Variants in JAKMIP2 observed in about 807,000 individuals in gnomAD.
The protein encoded by JAKMIP2 is janus kinase and microtubule-interacting protein 2.
In JAKMIP2, 25 loss-of-function variants were observed where a neutral mutation model predicts 115.0. The observed-to-expected ratio is 0.22, with a 90% CI of 0.16 to 0.30. The LOEUF (loss-of-function observed/expected upper bound fraction) is 0.30, where lower values mean the gene tolerates loss of function less well. Among genes scored for constraint, JAKMIP2 ranks in the 10% least tolerant of loss-of-function variants. The pLI is 1.00. For synonymous variants in JAKMIP2, 334 were observed against 343.6 expected, an observed-to-expected ratio of 0.97 and a Z score of 0.31; for missense variants, 642 against 957.6, an observed-to-expected ratio of 0.67 and a Z score of 4.35.
rs1457534604 is a variant in JAKMIP2, at chr5:147,631,490, G to A, written c.1798C>T (p.Pro600Ser). ...ELEERERRSPPFNLQIHPFSD... is the reference protein window; with the variant it reads ...ELEERERRSPSFNLQIHPFSD... ...AATGGGTGAATTTGGAGATTAAATG[G>A]AGGGGATCGTCTCTCTCTCTCCTTG... The change falls in exon 14 of 22, where the codon CCA (proline) becomes TCA (serine). Residue 600 changes from proline (P) to serine (S), a missense_variant. Transcript: ENST00000616793. 9 of 1,609,912 alleles carry A rather than the reference G, an allele frequency of 5.6e-6. No individual in the cohort carries two copies. The highest frequency in any genetic ancestry group is 7.7e-6 in the Non-Finnish European group (9 of 1,176,458).
At chr5:147,601,982 T>C (rs1755720574) in intron 20 of JAKMIP2, among the ~76,000 whole-genome samples, 171 bp from the exon 21 acceptor site, 1 of 152,158 alleles carries the variant, frequency 6.6e-6, no homozygotes, top group Non-Finnish European at 1.5e-5. Flanking sequence ...ACTGACAGAG[T>C]ATCAGTGTTC....
intron 1 of JAKMIP2, among the ~76,000 whole-genome samples, chr5:147,751,092 G>A (rs1352613533): frequency 6.8e-6 from 1 of 146,734 alleles, no homozygotes; most frequent in African/African-American, 2.5e-5. Flanking sequence ...TTTTTTTTGA[G>A]ACGGAGTCTC....
At chr5:147,642,570 A>T (rs896494312) in intron 7 of JAKMIP2, among the ~76,000 whole-genome samples, 1 of 152,170 alleles carries the variant, frequency 6.6e-6, no homozygotes, top group African/African-American at 2.4e-5. Context: ...GGGCTCATGA[A>T]TTTGTAAAAT....
chr5:147,720,270 C>T (rs1341165887), intron 1 of JAKMIP2, among the ~76,000 whole-genome samples: 5 of 151,910 alleles, frequency 3.3e-5, no homozygotes, highest in Non-Finnish European at 7.4e-5. Flanking sequence ...TTCTCTCTGG[C>T]TGCCCTTAAC....
chr5:147,755,854 G>A (rs1382484503), intron 1 of JAKMIP2, among the ~76,000 whole-genome samples: 1 of 152,058 alleles, frequency 6.6e-6, no homozygotes, highest in Non-Finnish European at 1.5e-5. Flanking sequence ...CACAAATAAT[G>A]AATGACTAGG....
chr5:147,672,590 G>A (rs1759675403), intron 1 of JAKMIP2, among the ~76,000 whole-genome samples: 1 of 150,486 alleles, frequency 6.6e-6, no homozygotes, highest in African/African-American at 2.4e-5. Flanking sequence ...ATCTATCAAC[G>A]ATCTATCTAT....
chr5:147,691,281 T>C (rs933807628), intron 1 of JAKMIP2, among the ~76,000 whole-genome samples: 2 of 152,172 alleles, frequency 1.3e-5, no homozygotes, highest in Non-Finnish European at 1.5e-5. Flanking sequence ...TGAAATGTTA[T>C]TGTTACTATT....
chr5:147,760,435 G>C (rs1754893284), intron 1 of JAKMIP2, among the ~76,000 whole-genome samples: 1 of 150,058 alleles, frequency 6.7e-6, no homozygotes, highest in African/African-American at 2.4e-5. Context: ...TCAGTGTGTA[G>C]TTATCAAAAC....
chr5:147,591,681 G>T lies in JAKMIP2; in HGVS notation c.*26C>A. ...TCCTGGGATCTTATCCATGTTTTCG[G>T]TTACTCTGCAAAACAGAGGAAAAAA... On this transcript the variant is annotated 3_prime_UTR_variant, in exon 22 of 22. Coordinates refer to ENST00000616793, the MANE Select transcript of JAKMIP2 (RefSeq NM_001270941.2). The T allele has an allele frequency of 6.3e-7, 1 of 1,589,586 alleles. No individual in the cohort carries two copies. The highest frequency in any genetic ancestry group is 8.6e-7 in the Non-Finnish European group (1 of 1,162,560).
chr5:147,655,902 CTCAT>C (rs1232420070), intron 3 of JAKMIP2, among the ~76,000 whole-genome samples: 1 of 152,132 alleles, frequency 6.6e-6, no homozygotes, highest in Non-Finnish European at 1.5e-5. Flanking sequence ...TCTCTCTGTT[CTCAT>C]TGTTTTCAAA....
intron 1 of JAKMIP2, among the ~76,000 whole-genome samples, chr5:147,765,680 C>A (rs917784901): frequency 2.0e-5 from 3 of 151,928 alleles, no homozygotes; most frequent in East Asian, 1.9e-4. Flanking sequence ...TCACATTAAC[C>A]AAGTAGTATG....
intron 16 of JAKMIP2, among the ~76,000 whole-genome samples, chr5:147,626,829 T>G (rs1757119012): frequency 6.6e-6 from 1 of 152,190 alleles, no homozygotes; most frequent in South Asian, 2.1e-4. Flanking sequence ...GTTTTGTTTG[T>G]AGCCCTAAAC....
intron 20 of JAKMIP2, among the ~76,000 whole-genome samples, chr5:147,602,187 T>C (rs1755731369): frequency 1.3e-5 from 2 of 152,204 alleles, no homozygotes. Flanking sequence ...CACTGTCTCT[T>C]TCATGCACAA....
chr5:147,624,992 A>AT (rs1409908250), intron 16 of JAKMIP2, among the ~76,000 whole-genome samples: 2 of 139,594 alleles, frequency 1.4e-5, no homozygotes, highest in Admixed American at 6.9e-5. Flanking sequence ...ATTTATTATT[A>AT]TTTTTTGAGA....
intron 13 of JAKMIP2, among the ~76,000 whole-genome samples, chr5:147,631,922 A>G (rs900179852): frequency 2.6e-5 from 4 of 152,238 alleles, no homozygotes; most frequent in African/African-American, 4.8e-5. Flanking sequence ...ACTCTTCTTC[A>G]CTGAAGCCTA....
chr5:147,703,965 A>AT (rs562881877), intron 1 of JAKMIP2, among the ~76,000 whole-genome samples: 1 of 152,170 alleles, frequency 6.6e-6, no homozygotes, highest in South Asian at 2.1e-4. Context: ...CCAACCGCAC[A>AT]TTACCTTAGG....
intron 2 of JAKMIP2, among the ~76,000 whole-genome samples, chr5:147,664,755 T>C (rs551877757): frequency 6.6e-5 from 10 of 152,236 alleles, no homozygotes; most frequent in Non-Finnish European, 1.5e-5. Flanking sequence ...TGGTAACTTT[T>C]AGAAAGTTGC....
chr5:147,695,080 A>G (rs1034983889), intron 1 of JAKMIP2, among the ~76,000 whole-genome samples: 2 of 152,162 alleles, frequency 1.3e-5, no homozygotes, highest in African/African-American at 4.8e-5. Context: ...TCTGCTAGGC[A>G]TGAGTATTTA....
At chr5:147,618,248 A>C (rs1756680829) in intron 18 of JAKMIP2, 134 bp from the exon 19 acceptor site, 1 of 674,342 alleles carries the variant, frequency 1.5e-6, no homozygotes, top group Admixed American at 2.6e-5. Context: ...AAATAATTTT[A>C]AAACTTCTCT....
Sources: gnomAD v4.1 joint callset for allele counts (sites outside exome capture counted in the v4.1 genomes callset) on GRCh38, gnomAD v4.1.1 for gene constraint, MANE v1.5 for transcripts, NCBI Gene and HGNC (gene_info 2026-07-23, HGNC 2026-07-21) for gene names.